Variants in PGM2L1 observed in about 807,000 individuals in gnomAD.
PGM2L1 encodes the protein phosphoglucomutase 2 like 1.
PGM2L1 carries 35 observed loss-of-function variants against 73.4 expected under a neutral mutation model. The ratio of observed to expected loss-of-function variants is 0.48; its 90% CI spans 0.36 to 0.63. PGM2L1 has a LOEUF of 0.63. Ranked by LOEUF, PGM2L1 falls within the 30% of genes least tolerant of loss-of-function variation. The probability of loss-of-function intolerance (pLI) is 0.00; values close to 1 mark genes in which losing one functional copy is unlikely to be tolerated. For missense variants in PGM2L1, 570 were observed against 742.0 expected (o/e 0.77, Z 2.69); for synonymous variants, 225 against 253.8 (o/e 0.89, Z 1.08).
chr11:74,339,164 G>A (rs7928036), intron 12 of PGM2L1, among the ~76,000 whole-genome samples: 82,471 of 152,020 alleles, frequency 0.54, 24,647 homozygotes, highest in East Asian at 0.8. Flanking sequence ...AACAAGAAGC[G>A]GAAGCCAAGT....
intron 1 of PGM2L1, among the ~76,000 whole-genome samples, chr11:74,396,976 T>C (rs79392884): frequency 6.6e-6 from 1 of 152,234 alleles, no homozygotes; most frequent in Non-Finnish European, 1.5e-5. Flanking sequence ...TCCTCACAAG[T>C]ATTTCCTGGG....
chr11:74,378,277 G>A (rs549381373), intron 1 of PGM2L1, among the ~76,000 whole-genome samples: 11 of 151,786 alleles, frequency 7.2e-5, no homozygotes, highest in African/African-American at 2.7e-4. Context: ...ACTCCAGCCT[G>A]GGCAACAGAG....
chr11:74,392,835 C>A (rs1863123342), intron 1 of PGM2L1, among the ~76,000 whole-genome samples: 1 of 152,194 alleles, frequency 6.6e-6, no homozygotes, highest in Non-Finnish European at 1.5e-5. Context: ...CCACTGCGCC[C>A]GGCCAGCCAA....
chr11:74,354,860 C>T, intron 5 of PGM2L1: 1 of 860,302 alleles, frequency 1.2e-6, no homozygotes, highest in Non-Finnish European at 2.0e-6. Context: ...TCATGACTGA[C>T]CGAGGCAGTG....
intron 2 of PGM2L1, 64 bp from the exon 3 acceptor site, chr11:74,371,881 C>T: frequency 7.3e-7 from 1 of 1,368,768 alleles, no homozygotes; most frequent in Non-Finnish European, 1.0e-6. Flanking sequence ...GACTCAGAAT[C>T]TCTTATTTTT....
rs1862055385 is a variant in PGM2L1 at position 74,334,111 on chromosome 11, A to G, written c.*2541T>C. The stretch of plus-strand genomic sequence containing the variant: ...CCCTCAATCGATACACTTCAGGAAC[A>G]TTTGTAAAATTTTGTTAACTTGAGA... On this transcript the variant is annotated 3_prime_UTR_variant, in exon 14 of 14. Coordinates refer to ENST00000298198, the MANE Select transcript of PGM2L1 (RefSeq NM_173582.6). The G allele has an allele frequency of 1.3e-5, 2 of 152,268 alleles. No individual in the cohort carries two copies. Among genetic ancestry groups the G allele is most frequent in the Admixed American group, 1.3e-4 (2 of 15,288 alleles). 9.4% of individuals were successfully genotyped at this position (152,268 alleles called of 1,614,324 possible).
chr11:74,364,089 C>T (rs1486794282), intron 5 of PGM2L1, among the ~76,000 whole-genome samples: 1 of 152,054 alleles, frequency 6.6e-6, no homozygotes, highest in African/African-American at 2.4e-5. Context: ...TAATCCAGCA[C>T]ATAAACAGAA....
At position 74,347,354 on chromosome 11, in the gene PGM2L1, A is replaced by G. The variant is rs760430651; in HGVS notation, c.750-17T>C. The G allele has an allele frequency of 3.3e-5, 51 of 1,550,010 alleles. No individual in the cohort carries two copies. Among genetic ancestry groups the G allele is most frequent in the Middle Eastern group, 1.7e-4 (1 of 5,830 alleles). On this transcript the variant is annotated splice_polypyrimidine_tract_variant and intron_variant, in intron 6 of 13. Coordinates refer to ENST00000298198, the MANE Select transcript of PGM2L1 (RefSeq NM_173582.6). ...TTTAACTCCCTGTAAAGGAAAATCAACATAAGATCATGATTACAAAACCTC... is the reference window on the plus strand; with the variant it reads ...TTTAACTCCCTGTAAAGGAAAATCAGCATAAGATCATGATTACAAAACCTC...
rs1862009145 is a variant in PGM2L1 at position 74,331,299 on chromosome 11, G to A, written c.*5353C>T. 1 of 104,864 alleles carries A rather than the reference G, an allele frequency of 9.5e-6. No individual in the cohort carries two copies. The highest frequency in any genetic ancestry group is 1.3e-4 in the Admixed American group (1 of 7,710). 6.5% of individuals were successfully genotyped at this position (104,864 alleles called of 1,614,324 possible). A position where few individuals can be genotyped will look rare whatever the true frequency, so the allele number is the denominator to read the frequency against. ...TTTTTTGAGATGGAGTTTCACTCTT[G>A]TTGCCCAGGCTGGAGTGCAACGGCG... is the stretch of plus-strand genomic sequence containing the variant. On this transcript the variant is annotated 3_prime_UTR_variant, in exon 14 of 14. Coordinates refer to ENST00000298198, the MANE Select transcript of PGM2L1 (RefSeq NM_173582.6).
rs1045372021 is a variant in PGM2L1 at position 74,334,275 on chromosome 11, C to T, written c.*2377G>A. ...AGTAACTATGAATGAGCCGTTGATT[C>T]ATTTTAGCTTCATTTTTGTTTATCA... On this transcript the variant is annotated 3_prime_UTR_variant, in exon 14 of 14. Coordinates refer to ENST00000298198, the MANE Select transcript of PGM2L1 (RefSeq NM_173582.6). The T allele has an allele frequency of 6.6e-6, 1 of 152,182 alleles. No homozygotes were observed. The highest frequency in any genetic ancestry group is 2.4e-5 in the African/African-American group (1 of 41,440). The allele number at this position is 152,182 out of a possible 1,614,324, so 9.4% of individuals were successfully genotyped here. A position where few individuals can be genotyped will look rare whatever the true frequency, so the allele number is the denominator to read the frequency against.
intron 1 of PGM2L1, among the ~76,000 whole-genome samples, chr11:74,389,433 C>G (rs1196467995): frequency 6.6e-6 from 1 of 151,898 alleles, no homozygotes; most frequent in East Asian, 1.9e-4. Flanking sequence ...GAGGAAGAGA[C>G]AGGAAAAATA....
intron 5 of PGM2L1, chr11:74,355,147 G>C: frequency 2.9e-6 from 4 of 1,376,768 alleles, no homozygotes; most frequent in Non-Finnish European, 4.1e-6. Flanking sequence ...AGCCATGGTG[G>C]TGGTGGATAT....
intron 1 of PGM2L1, among the ~76,000 whole-genome samples, chr11:74,377,097 G>T (rs1862865708): frequency 6.6e-6 from 1 of 150,826 alleles, no homozygotes; most frequent in South Asian, 2.1e-4. Context: ...AATATATGAA[G>T]ATTCTAAAGA....
chr11:74,383,985 CT>C (rs1295880429), intron 1 of PGM2L1, among the ~76,000 whole-genome samples: 2 of 151,898 alleles, frequency 1.3e-5, no homozygotes, highest in Non-Finnish European at 2.9e-5. Context: ...ACCCCAAACT[CT>C]TAACCTGTGG....
chr11:74,334,587 T>C lies in PGM2L1; in HGVS notation c.*2065A>G, dbSNP rs1469536580. ...CATATAAGATCCAACAATAAGAAAGTAAGGAAGGAACAAATTAACAATAGT... is the reference window on the plus strand; with the variant it reads ...CATATAAGATCCAACAATAAGAAAGCAAGGAAGGAACAAATTAACAATAGT... On this transcript the variant is annotated 3_prime_UTR_variant, in exon 14 of 14. Transcript: ENST00000298198. 1 of 152,142 alleles carries C rather than the reference T, an allele frequency of 6.6e-6. No individual in the cohort carries two copies. Among genetic ancestry groups the C allele is most frequent in the Admixed American group, 6.5e-5 (1 of 15,268 alleles). The allele number at this position is 152,142 out of a possible 1,614,324, so 9.4% of individuals were successfully genotyped here. A position where few individuals can be genotyped will look rare whatever the true frequency, so the allele number is the denominator to read the frequency against.
chr11:74,343,330 CTCTTCAAATGCAAAAAGGACT>C lies in PGM2L1; in HGVS notation c.1284_1304del (p.Val429_Glu435del), dbSNP rs2134885045. On this transcript the variant is annotated inframe_deletion, in exon 10 of 14. Coordinates refer to ENST00000298198, the MANE Select transcript of PGM2L1 (RefSeq NM_173582.6). ...TTAATATTTACTACATACCAATAGA[CTCTTCAAATGCAAAAAGGACT>C]TCTTTCCCATTTTCCAGGAGGTCTA... The C allele has an allele frequency of 6.2e-7, 1 of 1,605,624 alleles. No individual in the cohort carries two copies. The highest frequency in any genetic ancestry group is 8.5e-7 in the Non-Finnish European group (1 of 1,177,982).
At chr11:74,387,528 A>G (rs1863034682) in intron 1 of PGM2L1, among the ~76,000 whole-genome samples, 1 of 152,166 alleles carries the variant, frequency 6.6e-6, no homozygotes, top group South Asian at 2.1e-4. Context: ...TATACTTAAG[A>G]AATCTGTTCA....
chr11:74,361,585 T>C (rs558350126), intron 5 of PGM2L1, among the ~76,000 whole-genome samples: 2 of 152,118 alleles, frequency 1.3e-5, no homozygotes, highest in South Asian at 4.1e-4. Context: ...GGGCTTCAGA[T>C]GATCAAACTT....
chr11:74,383,692 G>A (rs939407348), intron 1 of PGM2L1, among the ~76,000 whole-genome samples: 9 of 151,756 alleles, frequency 5.9e-5, no homozygotes, highest in African/African-American at 1.9e-4. Flanking sequence ...GTGAGAACAT[G>A]CGGTGTTCGG....
Sources: gnomAD v4.1 joint callset for allele counts (sites outside exome capture counted in the v4.1 genomes callset) on GRCh38, gnomAD v4.1.1 for gene constraint, MANE v1.5 for transcripts, NCBI Gene and HGNC (gene_info 2026-07-23, HGNC 2026-07-21) for gene names.